PCDHGA1: variants seen among roughly 807,000 people sequenced by gnomAD.
PCDHGA1 encodes protocadherin gamma subfamily A, 1.
PCDHGA1 carries 32 observed loss-of-function variants against 58.0 expected under a neutral mutation model. The ratio of observed to expected loss-of-function variants is 0.55; its 90% CI spans 0.42 to 0.74. The LOEUF (loss-of-function observed/expected upper bound fraction) is 0.74. PCDHGA1 is among the 30% of genes least tolerant of loss of function. PCDHGA1 has a pLI of 0.00. For missense variants in PCDHGA1, 1,205 were observed against 1,182.3 expected, an observed-to-expected ratio of 1.02 and a Z score of -0.28; for synonymous variants, 498 against 501.1, an observed-to-expected ratio of 0.99 and a Z score of 0.08.
chr5:141,499,689 CTTTTTTTTT>C (rs545067566), intron 2 of PCDHGA1, among the ~76,000 whole-genome samples: 2 of 119,856 alleles, frequency 1.7e-5, no homozygotes, highest in African/African-American at 6.2e-5. Flanking sequence ...TAACAGATGA[CTTTTTTTTT>C]TTTTTTTTTT....
At chr5:141,354,835 T>A (rs1222871147) in intron 1 of PCDHGA1, among the ~76,000 whole-genome samples, 1 of 152,226 alleles carries the variant, frequency 6.6e-6, no homozygotes, top group Non-Finnish European at 1.5e-5. Context: ...AAGACTTGGA[T>A]CATTCTTGAA....
chr5:141,410,440 G>A, intron 1 of PCDHGA1: 1 of 1,614,036 alleles, frequency 6.2e-7, no homozygotes, highest in Non-Finnish European at 8.5e-7. Context: ...ACAGTGAGGG[G>A]ACTTTGCCTT....
chr5:141,431,273 C>T lies in PCDHGA1; in HGVS notation c.2422-63534C>T, dbSNP rs752219345. 54 of 1,614,068 alleles carry T rather than the reference C, an allele frequency of 3.3e-5. No individual in the cohort carries two copies. Among genetic ancestry groups the T allele is most frequent in the Non-Finnish European group, 4.1e-5 (48 of 1,180,052 alleles). On this transcript the variant is annotated intron_variant, in intron 1 of 3. Transcript: ENST00000517417. The surrounding 1 kb of genome is among the most constrained non-coding windows in gnomAD (Gnocchi z 4.8). Reference sequence around the variant, plus strand: ...GAAGAACTCTCTGCAGAGCTACGAGCTCAGCCCGAACACTCACTTCTCCCT... The same window carrying T: ...GAAGAACTCTCTGCAGAGCTACGAGTTCAGCCCGAACACTCACTTCTCCCT...
intron 1 of PCDHGA1, chr5:141,403,166 A>G (rs907710099): frequency 1.2e-6 from 2 of 1,614,002 alleles, no homozygotes; most frequent in Non-Finnish European, 1.7e-6. Flanking sequence ...TAGAGGTAGG[A>G]CGCAGCTTTT....
rs113212669 is a variant in PCDHGA1 at position 141,465,048 on chromosome 5, A to T, written c.2422-29759A>T. 2.4e-3 allele frequency among the ~76,000 whole-genome samples: 362 copies of T among 151,344 alleles called. 4 individuals are homozygous for T. Among genetic ancestry groups the T allele is most frequent in the African/African-American group, 8.4e-3 (346 of 41,268 alleles). On this transcript the variant is annotated intron_variant, in intron 1 of 3. Transcript: ENST00000517417. ...TGAACCACCACAAATGACCCTATAT[A>T]TTTTTTTGAATTGTCTGTTCATGTC...
intron 1 of PCDHGA1, chr5:141,382,939 T>G: frequency 6.3e-7 from 1 of 1,594,910 alleles, no homozygotes; most frequent in Non-Finnish European, 8.6e-7. Context: ...CAGAGGATTC[T>G]TCCTGCTCTC....
At chr5:141,409,808 G>C in intron 1 of PCDHGA1, 2 of 1,611,624 alleles carry the variant, frequency 1.2e-6, no homozygotes, top group East Asian at 2.2e-5. Context: ...GCAGGCCCGC[G>C]ACCACGGCTC....
In PCDHGA1 at chr5:141,361,360, G is replaced by C. The variant is rs772255956; in HGVS notation, c.2421+28255G>C. On this transcript the variant is annotated intron_variant, in intron 1 of 3. Transcript: ENST00000517417. ...CTATTACAAACTAGTGACAGACGGC[G>C]CTCTGGACCGGGAGGAGATCCCAGA... is the stretch of plus-strand genomic sequence containing the variant. 1.2e-5 allele frequency: 20 copies of C among 1,613,944 alleles called. No homozygotes were observed. The highest frequency in any genetic ancestry group is 1.7e-5 in the Non-Finnish European group (20 of 1,179,886).
intron 1 of PCDHGA1, chr5:141,384,886 G>T: frequency 6.2e-7 from 1 of 1,613,822 alleles, no homozygotes. Context: ...ACTCACCGTG[G>T]CTGTGGCTGA....
In PCDHGA1 at chr5:141,489,200, G is replaced by A. The variant is rs1483035320; in HGVS notation, c.2422-5607G>A. The A allele has an allele frequency of 2.8e-6, 4 of 1,412,792 alleles. No individual in the cohort carries two copies. The highest frequency in any genetic ancestry group is 3.9e-6 in the Non-Finnish European group (4 of 1,038,374). The allele number at this position is 1,412,792 out of a possible 1,614,324, so 87.5% of individuals were successfully genotyped here. A position where few individuals can be genotyped will look rare whatever the true frequency, so the allele number is the denominator to read the frequency against. On this transcript the variant is annotated intron_variant, in intron 1 of 3. Coordinates refer to ENST00000517417, the MANE Select transcript of PCDHGA1 (RefSeq NM_018912.3). This position sits in a 1 kb window ranked among gnomAD's most constrained non-coding sequence, Gnocchi z 4.5. ...AAGCCCTGGGTCTACCTTGGAGACAGGACAGCACAGACTTACTCTCCACAA... is the reference window on the plus strand; with the variant it reads ...AAGCCCTGGGTCTACCTTGGAGACAAGACAGCACAGACTTACTCTCCACAA...
intron 1 of PCDHGA1, chr5:141,422,717 T>A: frequency 6.2e-7 from 1 of 1,604,832 alleles, no homozygotes; most frequent in Non-Finnish European, 8.5e-7. Flanking sequence ...GATGACACTG[T>A]CCAGGGGGTG....
rs192424877 is a variant in PCDHGA1, at chr5:141,361,678, T to C, written c.2421+28573T>C. On this transcript the variant is annotated intron_variant, in intron 1 of 3. Coordinates refer to ENST00000517417, the MANE Select transcript of PCDHGA1 (RefSeq NM_018912.3). The stretch of plus-strand genomic sequence containing the variant: ...CGTGAGCGCGCAGAGCGGGGTGGTG[T>C]TCGCGCAGCGCGCCTTCGATCATGA... The C allele has an allele frequency of 2.5e-3, 4,039 of 1,613,592 alleles. 13 individuals carry two copies. The highest frequency in any genetic ancestry group is 3.0e-3 in the Non-Finnish European group (3,545 of 1,179,894).
chr5:141,403,186 C>G, intron 1 of PCDHGA1: 2 of 1,614,012 alleles, frequency 1.2e-6, no homozygotes, highest in Non-Finnish European at 1.7e-6. Flanking sequence ...TCTCTCTGAA[C>G]CCGCGCAGCG....
chr5:141,384,202 G>A (rs752360983), intron 1 of PCDHGA1: 9 of 1,613,734 alleles, frequency 5.6e-6, no homozygotes, highest in Non-Finnish European at 6.8e-6. Flanking sequence ...CTTGTCCAGG[G>A]AAACTCACAT....
At chr5:141,481,795 T>C (rs2154579318) in intron 1 of PCDHGA1, among the ~76,000 whole-genome samples, 1 of 150,244 alleles carries the variant, frequency 6.7e-6, no homozygotes, top group South Asian at 2.1e-4. Context: ...CTACTAAAAA[T>C]ACAAAAATTC....
chr5:141,346,239 C>G (rs373249653), intron 1 of PCDHGA1: 1 of 1,614,224 alleles, frequency 6.2e-7, no homozygotes, highest in Admixed American at 1.7e-5. Flanking sequence ...GGCGAGTACG[C>G]CCGGCTCGCA....
chr5:141,365,622 C>T, intron 1 of PCDHGA1: 1 of 1,613,594 alleles, frequency 6.2e-7, no homozygotes, highest in Non-Finnish European at 8.5e-7. Flanking sequence ...GGAACCCCGC[C>T]CCTCTCTACA....
chr5:141,419,013 G>A, intron 1 of PCDHGA1: 2 of 1,613,958 alleles, frequency 1.2e-6, no homozygotes, highest in South Asian at 2.2e-5. Flanking sequence ...GTCAGGTGTA[G>A]CTTAAGTAGA....
intron 1 of PCDHGA1, chr5:141,365,094 T>C: frequency 2.5e-6 from 4 of 1,613,786 alleles, no homozygotes; most frequent in East Asian, 2.2e-5. Context: ...CCAGAGAACA[T>C]ACCTGTGGGC....
Sources: allele counts gnomAD v4.1 joint callset (sites outside exome capture counted in the v4.1 genomes callset), GRCh38; gene constraint gnomAD v4.1.1; non-coding constraint Gnocchi (gnomAD v3.1); transcripts MANE v1.5; gene names NCBI Gene and HGNC (gene_info 2026-07-23, HGNC 2026-07-21).